The following UBE2R2 variants were observed in gnomAD, a reference collection of about 807,000 sequenced individuals.
UBE2R2 encodes ubiquitin conjugating enzyme E2 R2, also known as ubiquitin-conjugating enzyme E2 R2.
In UBE2R2, 1 loss-of-function variant was observed where a neutral mutation model predicts 27.8. The ratio of observed to expected loss-of-function variants is 0.04; its 90% CI spans 0.01 to 0.17. UBE2R2 has a LOEUF of 0.17. Among genes scored for constraint, UBE2R2 ranks in the 10% least tolerant of loss-of-function variants. The pLI, the probability that UBE2R2 is intolerant of heterozygous loss-of-function variation, is 1.00. For synonymous variants in UBE2R2, 106 were observed against 113.3 expected (o/e 0.94, Z 0.41); for missense variants, 100 against 291.0 (o/e 0.34, Z 4.78).
chr9:33,894,876 G>C (rs1343831208), intron 2 of UBE2R2, among the ~76,000 whole-genome samples: 1 of 152,144 alleles, frequency 6.6e-6, no homozygotes, highest in Non-Finnish European at 1.5e-5. Flanking sequence ...CAGCCTGAGA[G>C]ACAAAGTGAG....
rs1822215790 is a variant in UBE2R2 at position 33,900,270 on chromosome 9, A to C, written c.361A>C (p.Arg121=). Residue 121 remains arginine (R), a splice_region_variant and synonymous_variant, in exon 3 of 5, where the codon AGG becomes CGG. Transcript: ENST00000263228. ...SERWNPTQNV[R]TILLSVISLL... is the part of the protein sequence containing the mutation. The stretch of plus-strand genomic sequence containing the variant: ...AAGGTGGAATCCTACTCAGAATGTG[A>C]GGTAAGGAGGAATCTGGTTTTGGAG... 2 of 1,610,302 alleles carry C rather than the reference A, an allele frequency of 1.2e-6. No individual in the cohort carries two copies. The highest frequency in any genetic ancestry group is 2.7e-5 in the African/African-American group (2 of 74,844).
At chr9:33,834,694 T>C (rs949828737) in intron 1 of UBE2R2, among the ~76,000 whole-genome samples, 3 of 151,946 alleles carry the variant, frequency 2.0e-5, no homozygotes, top group Non-Finnish European at 4.4e-5. Flanking sequence ...GTGGATCACC[T>C]GAGGTCAGGA....
intron 1 of UBE2R2, among the ~76,000 whole-genome samples, chr9:33,884,761 A>G (rs916963541): frequency 4.6e-5 from 7 of 151,644 alleles, no homozygotes; most frequent in African/African-American, 1.5e-4. Flanking sequence ...TCCAGTTTCT[A>G]TTGATTCTTT....
At chr9:33,851,905 CTA>C (rs1820976364) in intron 1 of UBE2R2, among the ~76,000 whole-genome samples, 1 of 151,788 alleles carries the variant, frequency 6.6e-6, no homozygotes, top group African/African-American at 2.4e-5. Context: ...TAATATATAA[CTA>C]TATAAAAGTA....
At chr9:33,843,603 CT>C (rs148100386) in intron 1 of UBE2R2, among the ~76,000 whole-genome samples, 9,193 of 151,998 alleles carry the variant, frequency 0.06, 626 homozygotes, top group African/African-American at 0.17. Flanking sequence ...CTCAGCCCCC[CT>C]AGTAGCTGGG....
chr9:33,835,277 GT>G (rs1185909883), intron 1 of UBE2R2, among the ~76,000 whole-genome samples: 1 of 150,806 alleles, frequency 6.6e-6, no homozygotes, highest in Non-Finnish European at 1.5e-5. Context: ...CTCCCGAGTA[GT>G]TGGGACTACA....
chr9:33,826,507 G>T (rs1820317685), intron 1 of UBE2R2, among the ~76,000 whole-genome samples: 3 of 151,780 alleles, frequency 2.0e-5, no homozygotes, highest in Non-Finnish European at 1.5e-5. Flanking sequence ...GACCATTCTG[G>T]CTAACACGGT....
intron 3 of UBE2R2, among the ~76,000 whole-genome samples, chr9:33,906,958 G>C (rs1035383573): frequency 3.3e-5 from 5 of 152,188 alleles, no homozygotes; most frequent in Non-Finnish European, 7.3e-5. Flanking sequence ...TTGAGCCCAA[G>C]TGGTCAAGGC....
chr9:33,852,286 G>T (rs1284794043), intron 1 of UBE2R2, among the ~76,000 whole-genome samples: 1 of 152,172 alleles, frequency 6.6e-6, no homozygotes. Flanking sequence ...ATTCCAGCCT[G>T]TGTGATAGAG....
chr9:33,900,480 C>T (rs530696600), intron 3 of UBE2R2, among the ~76,000 whole-genome samples: 8 of 152,132 alleles, frequency 5.3e-5, no homozygotes, highest in Admixed American at 5.2e-4. Flanking sequence ...ATTCTCATTT[C>T]CCTATGTTCA....
At chr9:33,901,040 C>T (rs567706650) in intron 3 of UBE2R2, among the ~76,000 whole-genome samples, 10 of 152,266 alleles carry the variant, frequency 6.6e-5, no homozygotes, top group South Asian at 6.2e-4. Context: ...ACTGCAGCCT[C>T]GACCTCCTGG....
chr9:33,905,405 T>C (rs1487014253), intron 3 of UBE2R2, among the ~76,000 whole-genome samples: 1 of 152,190 alleles, frequency 6.6e-6, no homozygotes, highest in Non-Finnish European at 1.5e-5. Flanking sequence ...TAAACCCAAT[T>C]CTGGAACAGT....
At chr9:33,839,753 T>TG (rs1587435959) in intron 1 of UBE2R2, among the ~76,000 whole-genome samples, 1 of 152,292 alleles carries the variant, frequency 6.6e-6, no homozygotes, top group East Asian at 1.9e-4. Flanking sequence ...CCTAGCACTT[T>TG]GGGAGGCTGA....
chr9:33,860,942 T>G lies in UBE2R2; in HGVS notation c.178-25939T>G, dbSNP rs148944348. On this transcript the variant is annotated intron_variant, in intron 1 of 4. Coordinates refer to ENST00000263228, the MANE Select transcript of UBE2R2 (RefSeq NM_017811.4). Reference sequence around the variant, plus strand: ...ATCGTTAACCCTGTGTTAAGTTTTTTTTTGTTTGTTTGTTTGTTTTTTGTT... The same window carrying G: ...ATCGTTAACCCTGTGTTAAGTTTTTGTTTGTTTGTTTGTTTGTTTTTTGTT... Among the ~76,000 whole-genome samples, 707 of 150,652 alleles carry G rather than the reference T, an allele frequency of 4.7e-3. 2 individuals are homozygous for G. The highest frequency in any genetic ancestry group is 0.015 in the African/African-American group (608 of 40,994).
rs934635394 is a variant in UBE2R2, at chr9:33,917,343, G to T, written c.*106G>T. 2.6e-6 allele frequency: 4 copies of T among 1,528,852 alleles called. No homozygotes were observed. Among genetic ancestry groups the T allele is most frequent in the Non-Finnish European group, 2.6e-6 (3 of 1,140,450 alleles). The allele number at this position is 1,528,852 out of a possible 1,614,324, so 94.7% of individuals were successfully genotyped here. A position where few individuals can be genotyped will look rare whatever the true frequency, so the allele number is the denominator to read the frequency against. ...CTCAGCAAAAACCTATTCACAGCGG[G>T]TGGGGAAACACACACAGCTCCTGCT... On this transcript the variant is annotated 3_prime_UTR_variant, in exon 5 of 5. Coordinates refer to ENST00000263228, the MANE Select transcript of UBE2R2 (RefSeq NM_017811.4).
chr9:33,900,005 T>C (rs1822211559), intron 2 of UBE2R2, among the ~76,000 whole-genome samples, 169 bp from the exon 3 acceptor site: 1 of 152,228 alleles, frequency 6.6e-6, no homozygotes, highest in Non-Finnish European at 1.5e-5. Flanking sequence ...ATAAATACTT[T>C]TAAAATGCTT....
In UBE2R2 at chr9:33,879,444, C is replaced by A. The variant is rs1821683255; in HGVS notation, c.178-7437C>A. ...CACTGCAAAGATTTCTCTTAGTACC[C>A]TAAGTAATCTTAACAAGACTTTTTT... On this transcript the variant is annotated intron_variant, in intron 1 of 4. Coordinates refer to ENST00000263228, the MANE Select transcript of UBE2R2 (RefSeq NM_017811.4). Among the ~76,000 whole-genome samples the A allele has an allele frequency of 3.3e-5, 5 of 152,098 alleles. No individual in the cohort carries two copies. In the South Asian group the frequency reaches 8.3e-4, roughly 25 times the overall value.
At chr9:33,838,943 A>G (rs1006014290) in intron 1 of UBE2R2, among the ~76,000 whole-genome samples, 11 of 152,090 alleles carry the variant, frequency 7.2e-5, no homozygotes, top group African/African-American at 2.7e-4. Flanking sequence ...CTAGCCGAGC[A>G]TGGTGGAGCG....
chr9:33,844,515 AT>A (rs34578523), intron 1 of UBE2R2, among the ~76,000 whole-genome samples: 5,666 of 110,082 alleles, frequency 0.051, 203 homozygotes, highest in South Asian at 0.11. Context: ...TCCCACATCT[AT>A]TTTTTTTTTT....
Sources: allele counts gnomAD v4.1 joint callset (sites outside exome capture counted in the v4.1 genomes callset), GRCh38; gene constraint gnomAD v4.1.1; transcripts MANE v1.5; gene names NCBI Gene and HGNC (gene_info 2026-07-23, HGNC 2026-07-21).